The following PALS2 variants were observed in gnomAD, a reference collection of about 807,000 sequenced individuals.
PALS2 encodes protein associated with LIN7 2, MAGUK p55 family member.
PALS2 carries 27 observed loss-of-function variants against 61.6 expected under a neutral mutation model. The observed-to-expected ratio is 0.44, with a 90% confidence interval of 0.32 to 0.60. The LOEUF is 0.60. Ranked by LOEUF, PALS2 falls within the 20% of genes least tolerant of loss-of-function variation. The probability of loss-of-function intolerance (pLI) is 0.05; values close to 1 mark genes in which losing one functional copy is unlikely to be tolerated. For synonymous variants in PALS2, 236 were observed against 218.6 expected, an observed-to-expected ratio of 1.08 and a Z score of -0.70; for missense variants, 554 against 639.4, an observed-to-expected ratio of 0.87 and a Z score of 1.44.
intron 8 of PALS2, among the ~76,000 whole-genome samples, chr7:24,666,355 AG>A (rs1331743933): frequency 1.3e-5 from 2 of 152,238 alleles, no homozygotes; most frequent in Non-Finnish European, 2.9e-5. Context: ...ATCAAGAAGC[AG>A]TATCATAATT....
intron 2 of PALS2, among the ~76,000 whole-genome samples, chr7:24,640,945 T>C (rs879773916): frequency 6.2e-5 from 9 of 145,052 alleles, no homozygotes; most frequent in Non-Finnish European, 1.0e-4. Context: ...GAGGCGGAGC[T>C]TGCAGTGAGC....
At chr7:24,665,110 C>A (rs999434811) in intron 6 of PALS2, among the ~76,000 whole-genome samples, 25 of 152,136 alleles carry the variant, frequency 1.6e-4, no homozygotes, top group African/African-American at 5.8e-4. Flanking sequence ...TTTAAACTTA[C>A]AAACTCTTGG....
chr7:24,590,195 A>G (rs972957925), intron 1 of PALS2, among the ~76,000 whole-genome samples: 19 of 152,304 alleles, frequency 1.2e-4, no homozygotes, highest in Middle Eastern at 6.8e-3. Flanking sequence ...AACTGTGCTT[A>G]CTTCTAAAGT....
chr7:24,619,434 A>G (rs1194531821), intron 1 of PALS2, among the ~76,000 whole-genome samples: 3 of 152,070 alleles, frequency 2.0e-5, no homozygotes, highest in Non-Finnish European at 4.4e-5. Context: ...AATCCCATTT[A>G]TGGCTGGGCG....
intron 9 of PALS2, among the ~76,000 whole-genome samples, chr7:24,676,899 C>T (rs1163600141): frequency 1.3e-5 from 2 of 150,992 alleles, no homozygotes; most frequent in Admixed American, 6.6e-5. Flanking sequence ...GTAGTTTTTT[C>T]GAATTCTGTG....
intron 1 of PALS2, among the ~76,000 whole-genome samples, chr7:24,582,121 T>C (rs1782868831): frequency 6.6e-6 from 1 of 152,198 alleles, no homozygotes; most frequent in Non-Finnish European, 1.5e-5. Context: ...CCTCAATTGT[T>C]TATACTTGTT....
At chr7:24,680,854 C>T (rs1282736620) in intron 11 of PALS2, among the ~76,000 whole-genome samples, 1 of 152,146 alleles carries the variant, frequency 6.6e-6, no homozygotes, top group Non-Finnish European at 1.5e-5. Flanking sequence ...CCTCGGCCTC[C>T]CAAAGTGCTA....
rs1407594787 is a variant in PALS2, at chr7:24,606,601, G to T, written c.-2-17065G>T. 2.0e-5 allele frequency among the ~76,000 whole-genome samples: 3 copies of T among 150,940 alleles called. No individual in the cohort carries two copies. The Admixed American group carries it at 2.0e-4, about 10-fold the overall frequency. On this transcript the variant is annotated intron_variant, in intron 1 of 11. Coordinates refer to ENST00000222644, the MANE Select transcript of PALS2 (RefSeq NM_001303037.2). ...TTTAGTAAAGTAGGCATTTAATTAG[G>T]TTTTTTTTTGTTTCATTTTGTTTTT... is the stretch of plus-strand genomic sequence containing the variant.
At chr7:24,611,943 C>T (rs996858948) in intron 1 of PALS2, among the ~76,000 whole-genome samples, 12 of 151,622 alleles carry the variant, frequency 7.9e-5, no homozygotes, top group Admixed American at 1.3e-4. Context: ...AGTCTGGGTA[C>T]GATATGATAA....
chr7:24,687,602 C>T lies in PALS2; in HGVS notation c.1611C>T (p.Ser537=), dbSNP rs144556237. 101 of 1,603,786 alleles carry T rather than the reference C, an allele frequency of 6.3e-5. No homozygotes were observed. Among genetic ancestry groups the T allele is most frequent in the Middle Eastern group, 1.7e-4 (1 of 6,056 alleles). ...LRMEPQWVPI[S]WVY ...TGGAACCACAGTGGGTCCCAATCAG[C>T]TGGGTTTACTGATGATTCAGTAAGG... Residue 537 remains serine (S), a synonymous_variant, in exon 12 of 12, where the codon AGC becomes AGT. Coordinates refer to ENST00000222644, the MANE Select transcript of PALS2 (RefSeq NM_001303037.2). This position sits in a 1 kb window ranked among gnomAD's most constrained non-coding sequence, Gnocchi z 4.5.
At chr7:24,607,382 C>A (rs1206348026) in intron 1 of PALS2, among the ~76,000 whole-genome samples, 1 of 151,858 alleles carries the variant, frequency 6.6e-6, no homozygotes, top group Non-Finnish European at 1.5e-5. Context: ...ATGACAGTAT[C>A]TGACAATTGA....
chr7:24,612,663 G>A (rs574058815), intron 1 of PALS2, among the ~76,000 whole-genome samples: 1 of 151,604 alleles, frequency 6.6e-6, no homozygotes. Flanking sequence ...GATTATTTAG[G>A]AAAACTGTTG....
At chr7:24,634,197 G>A (rs1785135713) in intron 2 of PALS2, among the ~76,000 whole-genome samples, 2 of 152,004 alleles carry the variant, frequency 1.3e-5, no homozygotes, top group South Asian at 4.1e-4. Context: ...TCTTCTTAGT[G>A]CCTTTTGAAG....
Position 24,650,565 on chromosome 7 carries a change from A to T in PALS2, c.504A>T (p.Leu168=). 1 of 1,613,612 alleles carries T rather than the reference A, an allele frequency of 6.2e-7. No homozygotes were observed. The highest frequency in any genetic ancestry group is 1.1e-5 in the South Asian group (1 of 91,042). The change falls in exon 5 of 12, where the codon CTA becomes CTT. Residue 168 remains leucine (L), a synonymous_variant. Transcript: ENST00000222644. Reference sequence around the variant, plus strand: ...GGGGAATGATAGATCGACAAGGTCTACTTCATGTGGGAGATATAATTAAAG... The same window carrying T: ...GGGGAATGATAGATCGACAAGGTCTTCTTCATGTGGGAGATATAATTAAAG... The part of the protein sequence containing the change: ...LHGGMIDRQG[L]LHVGDIIKEV...
intron 1 of PALS2, among the ~76,000 whole-genome samples, chr7:24,621,410 G>A (rs1301318615): frequency 6.6e-6 from 1 of 152,082 alleles, no homozygotes; most frequent in Non-Finnish European, 1.5e-5. Context: ...TGAGAAGCTT[G>A]TTGGAACATT....
chr7:24,673,313 T>A lies in PALS2; in HGVS notation c.1114+4653T>A, dbSNP rs752146720. On this transcript the variant is annotated intron_variant, in intron 9 of 11. Coordinates refer to ENST00000222644, the MANE Select transcript of PALS2 (RefSeq NM_001303037.2). ...TCTAGATTCAGTTGCTTGTAATTTGTAAGGATTTTTGCATCTATATTTATA... is the reference window on the plus strand; with the variant it reads ...TCTAGATTCAGTTGCTTGTAATTTGAAAGGATTTTTGCATCTATATTTATA... 5.3e-5 allele frequency among the ~76,000 whole-genome samples: 8 copies of A among 152,294 alleles called. No homozygotes were observed. The East Asian group carries it at 1.5e-3, about 29-fold the overall frequency.
At chr7:24,663,126 T>C (rs1786825563) in intron 5 of PALS2, among the ~76,000 whole-genome samples, 1 of 152,224 alleles carries the variant, frequency 6.6e-6, no homozygotes, top group Non-Finnish European at 1.5e-5. Flanking sequence ...ATATTTCATA[T>C]CTGACTTCAA....
chr7:24,636,090 T>TA (rs1230341960), intron 2 of PALS2, among the ~76,000 whole-genome samples: 1 of 151,454 alleles, frequency 6.6e-6, no homozygotes, highest in Non-Finnish European at 1.5e-5. Context: ...CGCATGCCTG[T>TA]AATTCCAGCT....
chr7:24,633,445 G>T (rs1583910608), intron 2 of PALS2, among the ~76,000 whole-genome samples: 1 of 127,464 alleles, frequency 7.8e-6, no homozygotes, highest in Non-Finnish European at 1.6e-5. Flanking sequence ...TCTTATGCTT[G>T]CTCCTCTGCA....
Sources: allele counts gnomAD v4.1 joint callset (sites outside exome capture counted in the v4.1 genomes callset), GRCh38; gene constraint gnomAD v4.1.1; non-coding constraint Gnocchi (gnomAD v3.1); transcripts MANE v1.5; gene names NCBI Gene and HGNC (gene_info 2026-07-23, HGNC 2026-07-21).